Variants in KCNG3 observed in about 807,000 individuals in gnomAD.
KCNG3 encodes potassium voltage-gated channel modifier subfamily G member 3, also known as voltage-gated potassium channel regulatory subunit KCNG3.
In KCNG3, 15 loss-of-function variants were observed where a neutral mutation model predicts 29.0. The observed-to-expected ratio is 0.52, with a 90% confidence interval of 0.35 to 0.80. The LOEUF (loss-of-function observed/expected upper bound fraction) is 0.80. Ranked by LOEUF, KCNG3 falls within the 30% of genes least tolerant of loss-of-function variation. KCNG3 has a pLI of 0.01. For missense variants in KCNG3, 512 were observed against 605.7 expected, an observed-to-expected ratio of 0.85 and a Z score of 1.62; for synonymous variants, 322 against 248.9, an observed-to-expected ratio of 1.29 and a Z score of -2.76.
the KCNG3 span, among the ~76,000 whole-genome samples, chr2:42,389,616 G>A: frequency 6.6e-6 from 1 of 152,132 alleles, no homozygotes; most frequent in Non-Finnish European, 1.5e-5. Flanking sequence ...TATAGCATGA[G>A]GAGTTTCTGA....
At chr2:42,475,827 A>G (rs1484816692) in intron 1 of KCNG3, among the ~76,000 whole-genome samples, 1 of 152,150 alleles carries the variant, frequency 6.6e-6, no homozygotes, top group East Asian at 1.9e-4. Context: ...CACTTAAGGA[A>G]GCCAAGGTGG....
chr2:42,437,562 G>A (rs1484030447), downstream of KCNG3, among the ~76,000 whole-genome samples: 1 of 152,150 alleles, frequency 6.6e-6, no homozygotes, highest in Admixed American at 6.6e-5. Context: ...TTTTACTTCA[G>A]AGTGTATAGT....
At chr2:42,410,579 T>G in the KCNG3 span, among the ~76,000 whole-genome samples, 1 of 152,198 alleles carries the variant, frequency 6.6e-6, no homozygotes, top group Non-Finnish European at 1.5e-5. Context: ...TAGGGGACTT[T>G]ATATTTTCTA....
chr2:42,478,065 A>G (rs1017125029), intron 1 of KCNG3, among the ~76,000 whole-genome samples: 2 of 152,068 alleles, frequency 1.3e-5, no homozygotes, highest in African/African-American at 4.8e-5. Context: ...TCTCAGGCCT[A>G]CTTGTTATAG....
rs963239641 is a variant in KCNG3 at position 42,444,610 on chromosome 2, T to C, written c.666-31A>G. ...AAGAGAACAAAAGAAGAATTGATCA[T>C]TTTATTTTTAAGCATTTTAATAGCT... is the stretch of plus-strand genomic sequence containing the variant. On this transcript the variant is annotated intron_variant, in intron 1 of 1. Transcript: ENST00000306078. The surrounding 1 kb of genome is among the most constrained non-coding windows in gnomAD (Gnocchi z 5.8). 3.8e-6 allele frequency: 6 copies of C among 1,563,872 alleles called. No homozygotes were observed. The highest frequency in any genetic ancestry group is 4.3e-6 in the Non-Finnish European group (5 of 1,154,584).
At chr2:42,392,775 C>G in the KCNG3 span, among the ~76,000 whole-genome samples, 1 of 151,986 alleles carries the variant, frequency 6.6e-6, no homozygotes, top group African/African-American at 2.4e-5. Context: ...ACGCAATGAT[C>G]TAGTAAGCTT....
chr2:42,489,125 T>C lies in KCNG3; in HGVS notation c.665+3712A>G, dbSNP rs1673807719. ...GCCTGGGCAACATAGTAAGACCCCA[T>C]ATCGAACTCCTGACCTTGTGATCTG... On this transcript the variant is annotated intron_variant, in intron 1 of 1. Transcript: ENST00000306078. 4.7e-5 allele frequency among the ~76,000 whole-genome samples: 7 copies of C among 150,306 alleles called. No individual in the cohort carries two copies. In the South Asian group the frequency reaches 1.5e-3, roughly 33 times the overall value.
the KCNG3 span, among the ~76,000 whole-genome samples, chr2:42,426,351 A>G: frequency 1.3e-5 from 2 of 152,212 alleles, no homozygotes; most frequent in Admixed American, 1.3e-4. Flanking sequence ...CGCCTACCAA[A>G]CAACATAATT....
At position 42,493,270 on chromosome 2, in the gene KCNG3, G is replaced by C. The variant is rs890949683; in HGVS notation, c.232C>G (p.Arg78Gly). The change falls in exon 1 of 2, where the codon CGC becomes GGC. Residue 78 changes from arginine (R) to glycine (G), a missense_variant. Physicochemically the swap from Arg to Gly is moderately radical, Grantham distance 125. Coordinates refer to ENST00000306078, the MANE Select transcript of KCNG3 (RefSeq NM_133329.6). Reference protein sequence around the residue: ...EAFGFILLYVRGHGKLRFAPR... With the variant: ...EAFGFILLYVGGHGKLRFAPR... Reference sequence around the variant, plus strand: ...GCGAAGCGCAGCTTGCCGTGGCCGCGCACGTAGAGCAGGATGAAGCCGAAG... The same window carrying C: ...GCGAAGCGCAGCTTGCCGTGGCCGCCCACGTAGAGCAGGATGAAGCCGAAG... 90 of 1,612,034 alleles carry C rather than the reference G, an allele frequency of 5.6e-5. No homozygotes were observed. Among genetic ancestry groups the C allele is most frequent in the Non-Finnish European group, 7.5e-5 (88 of 1,179,782 alleles).
intron 1 of KCNG3, chr2:42,469,893 T>G (rs1476878336): frequency 3.6e-6 from 1 of 275,916 alleles, no homozygotes; most frequent in Non-Finnish European, 6.7e-6. Flanking sequence ...ACCACTTGGC[T>G]GAAGTTGACA....
At chr2:42,480,822 T>C (rs1160395795) in intron 1 of KCNG3, among the ~76,000 whole-genome samples, 1 of 151,502 alleles carries the variant, frequency 6.6e-6, no homozygotes, top group Non-Finnish European at 1.5e-5. Flanking sequence ...CTTGCTCTGT[T>C]GCCCAGGCTA....
At position 42,443,880 on chromosome 2, in the gene KCNG3, A is replaced by C. The variant is rs1558372331; in HGVS notation, c.*54T>G. On this transcript the variant is annotated 3_prime_UTR_variant, in exon 2 of 2. Coordinates refer to ENST00000306078, the MANE Select transcript of KCNG3 (RefSeq NM_133329.6). ...ACCCAGCAAGAAACACATAAATATG[A>C]AGCAGCATCAAAGTCTTTCTATGAA... 6 of 1,489,854 alleles carry C rather than the reference A, an allele frequency of 4.0e-6. No homozygotes were observed. Among genetic ancestry groups the C allele is most frequent in the East Asian group, 2.3e-5 (1 of 44,146 alleles). 92.3% of individuals were successfully genotyped at this position (1,489,854 alleles called of 1,614,324 possible). A position where few individuals can be genotyped will look rare whatever the true frequency, so the allele number is the denominator to read the frequency against.
At chr2:42,392,295 C>G in the KCNG3 span, among the ~76,000 whole-genome samples, 1 of 152,028 alleles carries the variant, frequency 6.6e-6, no homozygotes, top group Non-Finnish European at 1.5e-5. Flanking sequence ...TCACCTGGTC[C>G]CTTCCTCTAG....
chr2:42,466,975 A>G (rs1021470173), intron 1 of KCNG3, among the ~76,000 whole-genome samples: 4 of 151,478 alleles, frequency 2.6e-5, no homozygotes, highest in African/African-American at 9.7e-5. Flanking sequence ...CTGGTCTCCA[A>G]CTCTTGACCT....
chr2:42,481,578 C>T (rs191586206), intron 1 of KCNG3, among the ~76,000 whole-genome samples: 83 of 152,282 alleles, frequency 5.5e-4, no homozygotes, highest in Admixed American at 1.6e-3. Context: ...ATCCAAAATC[C>T]TTAACAAATG....
the KCNG3 span, among the ~76,000 whole-genome samples, chr2:42,419,219 C>CTTTGTTTTTTTTTTTTTTTTTTT: frequency 3.6e-5 from 1 of 27,712 alleles, no homozygotes; most frequent in Non-Finnish European, 6.7e-5. Context: ...GATGGTATCT[C>CTTTGTTTTTTTTTTTTTTTTTTT]TTTTTTTTTT....
At chr2:42,456,990 TAC>T (rs1409248992) in intron 1 of KCNG3, among the ~76,000 whole-genome samples, 5 of 152,188 alleles carry the variant, frequency 3.3e-5, no homozygotes, top group Non-Finnish European at 7.3e-5. Context: ...TTAATTATCT[TAC>T]AGAGAAAAAA....
At chr2:42,478,485 C>A (rs1180164858) in intron 1 of KCNG3, among the ~76,000 whole-genome samples, 1 of 152,042 alleles carries the variant, frequency 6.6e-6, no homozygotes, top group Non-Finnish European at 1.5e-5. Context: ...CCCACCTAGG[C>A]CTCCCAAAGT....
chr2:42,452,451 A>G (rs1376670466), intron 1 of KCNG3, among the ~76,000 whole-genome samples: 1 of 151,712 alleles, frequency 6.6e-6, no homozygotes, highest in African/African-American at 2.4e-5. Flanking sequence ...GCTAGCAAAT[A>G]CTAGGTCTCA....
Sources: allele counts gnomAD v4.1 joint callset (sites outside exome capture counted in the v4.1 genomes callset), GRCh38; gene constraint gnomAD v4.1.1; non-coding constraint Gnocchi (gnomAD v3.1); transcripts MANE v1.5; gene names NCBI Gene and HGNC (gene_info 2026-07-23, HGNC 2026-07-21).